The following KPNA6 variants were observed in gnomAD, a reference collection of about 807,000 sequenced individuals.
KPNA6 encodes the protein importin subunit alpha-7.
In KPNA6, 9 loss-of-function variants were observed where a neutral mutation model predicts 72.0. The ratio of observed to expected loss-of-function variants is 0.13; its 90% CI spans 0.08 to 0.22. The LOEUF is 0.22. Ranked by LOEUF, KPNA6 falls within the 10% of genes least tolerant of loss-of-function variation. KPNA6 has a pLI of 1.00. For missense variants in KPNA6, 374 were observed against 655.7 expected (o/e 0.57, Z 4.69); for synonymous variants, 219 against 242.1 (o/e 0.90, Z 0.89).
chr1:32,170,342 C>T (rs2124100184), intron 13 of KPNA6, among the ~76,000 whole-genome samples: 1 of 152,294 alleles, frequency 6.6e-6, no homozygotes, highest in Non-Finnish European at 1.5e-5. Context: ...TTGTCTCTCA[C>T]CAGTTTCTTC....
intron 1 of KPNA6, among the ~76,000 whole-genome samples, chr1:32,148,742 A>G (rs1229977823): frequency 1.3e-5 from 2 of 151,752 alleles, no homozygotes; most frequent in Admixed American, 6.6e-5. Flanking sequence ...TATTTTTAGT[A>G]GAGATGGGGT....
At chr1:32,146,871 T>G (rs532771166) in intron 1 of KPNA6, among the ~76,000 whole-genome samples, 42 of 122,030 alleles carry the variant, frequency 3.4e-4, no homozygotes, top group Admixed American at 1.1e-3. Context: ...GTTTTTTGTG[T>G]TTTTTTTTGA....
chr1:32,130,220 A>AT (rs1491090442), intron 1 of KPNA6, among the ~76,000 whole-genome samples: 5 of 138,572 alleles, frequency 3.6e-5, no homozygotes, highest in South Asian at 2.3e-4. Flanking sequence ...TAGTAGATAA[A>AT]TATTTTTTTT....
At chr1:32,133,814 C>T (rs541471224) in intron 1 of KPNA6, among the ~76,000 whole-genome samples, 58 of 151,564 alleles carry the variant, frequency 3.8e-4, no homozygotes, top group Admixed American at 2.6e-3. Flanking sequence ...CCGAGGCAGG[C>T]GGATCACTTG....
At chr1:32,157,574 C>G in intron 4 of KPNA6, 129 bp downstream of exon 4, 1 of 637,032 alleles carries the variant, frequency 1.6e-6, no homozygotes. Context: ...GTTGCTTGTA[C>G]AAGATAGACA....
intron 1 of KPNA6, among the ~76,000 whole-genome samples, chr1:32,109,839 G>T (rs1327804457): frequency 6.6e-6 from 1 of 151,510 alleles, no homozygotes; most frequent in Non-Finnish European, 1.5e-5. Context: ...TGTATTTTTA[G>T]TGGAGACGGG....
At chr1:32,161,171 A>G (rs1476244218) in intron 7 of KPNA6, among the ~76,000 whole-genome samples, 1 of 152,102 alleles carries the variant, frequency 6.6e-6, no homozygotes, top group East Asian at 1.9e-4. Context: ...AGATTGTGCC[A>G]CCCATCTGCC....
At chr1:32,148,547 G>A (rs984879586) in intron 1 of KPNA6, among the ~76,000 whole-genome samples, 1 of 146,866 alleles carries the variant, frequency 6.8e-6, no homozygotes, top group African/African-American at 2.5e-5. Context: ...ATAATGTGGT[G>A]TATATTGGTC....
chr1:32,162,155 G>A, intron 8 of KPNA6, 109 bp downstream of exon 8: 1 of 979,506 alleles, frequency 1.0e-6, no homozygotes, highest in Non-Finnish European at 1.6e-6. Flanking sequence ...ACTGAAAGAA[G>A]CAATTGTTAG....
chr1:32,153,016 C>CAAAA (rs766574019), intron 1 of KPNA6, among the ~76,000 whole-genome samples: 20 of 34,942 alleles, frequency 5.7e-4, no homozygotes, highest in East Asian at 2.5e-3. Flanking sequence ...GACTCCATCT[C>CAAAA]AAAAAAAAAA....
intron 1 of KPNA6, among the ~76,000 whole-genome samples, chr1:32,136,476 C>T (rs539837106): frequency 6.6e-6 from 1 of 152,154 alleles, no homozygotes; most frequent in South Asian, 2.1e-4. Context: ...TTTAGCTTCT[C>T]TTGAAAATCT....
Position 32,172,545 on chromosome 1 carries a change from T to TCCTTGTA in KPNA6, c.*1655_*1661dup, listed in dbSNP as rs1642457200. Reference sequence around the variant, plus strand: ...TATTGCGTATCTTCCCTGTTTGGGATCCTTGTACCTGGTTTGGGTTTTCCC... The same window carrying TCCTTGTA: ...TATTGCGTATCTTCCCTGTTTGGGATCCTTGTACCTTGTACCTGGTTTGGGTTTTCCC... On this transcript the variant is annotated 3_prime_UTR_variant, in exon 14 of 14. Coordinates refer to ENST00000373625, the MANE Select transcript of KPNA6 (RefSeq NM_012316.5). The TCCTTGTA allele has an allele frequency of 6.6e-6, 1 of 151,486 alleles. No individual in the cohort carries two copies. Among genetic ancestry groups the TCCTTGTA allele is most frequent in the Non-Finnish European group, 1.5e-5 (1 of 67,938 alleles). 9.4% of individuals were successfully genotyped at this position (151,486 alleles called of 1,614,324 possible). A position where few individuals can be genotyped will look rare whatever the true frequency, so the allele number is the denominator to read the frequency against.
intron 6 of KPNA6, among the ~76,000 whole-genome samples, chr1:32,160,273 C>G (rs1478291778): frequency 6.9e-6 from 1 of 144,072 alleles, no homozygotes; most frequent in Admixed American, 7.4e-5. Context: ...GCACTCCAGC[C>G]TGGGTGACAG....
At chr1:32,117,853 G>A (rs1478421296) in intron 1 of KPNA6, among the ~76,000 whole-genome samples, 2 of 151,854 alleles carry the variant, frequency 1.3e-5, no homozygotes, top group African/African-American at 2.4e-5. Context: ...TTGTACATAA[G>A]CATTCCTGAA....
intron 1 of KPNA6, among the ~76,000 whole-genome samples, chr1:32,108,944 C>T (rs1181413419): frequency 6.6e-6 from 1 of 152,186 alleles, no homozygotes; most frequent in Non-Finnish European, 1.5e-5. Context: ...GGTAATTCCT[C>T]TAAAGCAGTA....
At chr1:32,108,459 G>T (rs1302927729) in intron 1 of KPNA6, among the ~76,000 whole-genome samples, 1 of 152,256 alleles carries the variant, frequency 6.6e-6, no homozygotes, top group Admixed American at 6.5e-5. Flanking sequence ...GGGGCTGGGG[G>T]ACGGGCTCCC....
At chr1:32,129,718 G>A (rs2124533991) in intron 1 of KPNA6, among the ~76,000 whole-genome samples, 1 of 152,192 alleles carries the variant, frequency 6.6e-6, no homozygotes, top group Non-Finnish European at 1.5e-5. Context: ...ACCATGCACA[G>A]CCAATATTTT....
intron 1 of KPNA6, among the ~76,000 whole-genome samples, chr1:32,119,165 G>T (rs1311872824): frequency 6.7e-6 from 1 of 150,268 alleles, no homozygotes; most frequent in African/African-American, 2.5e-5. Context: ...TGAGTAGCTG[G>T]GATTACAGGC....
rs1334483659 is a variant in KPNA6 at position 32,154,589 on chromosome 1, G to T, written c.6G>T (p.Glu2Asp). The T allele has an allele frequency of 1.2e-6, 2 of 1,613,144 alleles. No individual in the cohort carries two copies. The highest frequency in any genetic ancestry group is 4.5e-5 in the East Asian group (2 of 44,868). M[E>D]TMASPGKDNY... ...GGCAGTGTGTATCTTTTCTTCTAGA[G>T]ACCATGGCGAGCCCAGGGAAAGACA... The change falls in exon 2 of 14, where the codon GAG becomes GAT. Residue 2 changes from glutamate (E) to aspartate (D), a missense_variant and splice_region_variant. Glu to Asp is a conservative substitution (Grantham distance 45, BLOSUM62 2). Around this residue, in one of 3 missense-constraint regions of KPNA6, gnomAD observed 298 missense variants for 495.4 expected, o/e 0.60. Transcript: ENST00000373625.
Sources: allele counts gnomAD v4.1 joint callset (sites outside exome capture counted in the v4.1 genomes callset), GRCh38; gene constraint gnomAD v4.1.1; regional missense constraint gnomAD v4.1.1; transcripts MANE v1.5; gene names NCBI Gene and HGNC (gene_info 2026-07-23, HGNC 2026-07-21).